Variants in SNTG2 observed in about 807,000 individuals in gnomAD.
SNTG2 encodes syntrophin gamma 2.
A neutral mutation model predicts 70.9 loss-of-function variants in SNTG2; 74 were observed. The observed-to-expected ratio is 1.04, with a 90% CI of 0.86 to 1.27. The LOEUF (loss-of-function observed/expected upper bound fraction) is 1.27, where lower values mean the gene tolerates loss of function less well. SNTG2 is among the 50% of genes most tolerant of loss of function. The pLI is 0.00. For synonymous variants in SNTG2, 278 were observed against 273.8 expected (o/e 1.02, Z -0.15); for missense variants, 717 against 690.7 (o/e 1.04, Z -0.43).
Position 950,971 on chromosome 2 carries a change from G to T in SNTG2, c.-26G>T. On this transcript the variant is annotated 5_prime_UTR_variant, in exon 1 of 17. Coordinates refer to ENST00000308624, the MANE Select transcript of SNTG2 (RefSeq NM_018968.4). Reference sequence around the variant, plus strand: ...TGGCGTTGAGCTCGGCCGGCCCGGAGCGCGGACCCAGCCGCAGGGGCGGCG... The same window carrying T: ...TGGCGTTGAGCTCGGCCGGCCCGGATCGCGGACCCAGCCGCAGGGGCGGCG... The T allele has an allele frequency of 8.3e-7, 1 of 1,208,690 alleles. No individual in the cohort carries two copies. The highest frequency in any genetic ancestry group is 3.8e-5 in the South Asian group (1 of 26,422). The allele number at this position is 1,208,690 out of a possible 1,614,324, so 74.9% of individuals were successfully genotyped here.
At chr2:1,228,196 G>C (rs975028978) in intron 9 of SNTG2, among the ~76,000 whole-genome samples, 5 of 152,256 alleles carry the variant, frequency 3.3e-5, no homozygotes, top group African/African-American at 1.2e-4. Flanking sequence ...CTTTCGAGCT[G>C]GCGGGGGGCC....
At chr2:1,022,486 T>TGAGTCCCTGAGTTCCC (rs570084878) in intron 1 of SNTG2, among the ~76,000 whole-genome samples, 2 of 151,572 alleles carry the variant, frequency 1.3e-5, no homozygotes, top group African/African-American at 4.8e-5. Context: ...TGAGTTCCCG[T>TGAGTCCCTGAGTTCCC]GAGTCCCTGA....
chr2:1,211,427 C>T (rs933227531), intron 9 of SNTG2, among the ~76,000 whole-genome samples: 5 of 152,264 alleles, frequency 3.3e-5, no homozygotes, highest in African/African-American at 1.2e-4. Flanking sequence ...GAATTCAGGT[C>T]ATAAGATGGA....
At position 1,173,082 on chromosome 2, in the gene SNTG2, T is replaced by C; in HGVS notation, c.500-10T>C. On this transcript the variant is annotated splice_polypyrimidine_tract_variant and intron_variant, in intron 7 of 16. Transcript: ENST00000308624. Reference sequence around the variant, plus strand: ...ACCAATTGGAAGGGACTTCTCTTGTTTTGCTGCAGGGTCCCCAGGGCCATC... The same window carrying C: ...ACCAATTGGAAGGGACTTCTCTTGTCTTGCTGCAGGGTCCCCAGGGCCATC... The C allele has an allele frequency of 1.2e-6, 2 of 1,612,996 alleles. No individual in the cohort carries two copies. Among genetic ancestry groups the C allele is most frequent in the South Asian group, 1.1e-5 (1 of 90,952 alleles).
intron 8 of SNTG2, among the ~76,000 whole-genome samples, chr2:1,186,961 G>A (rs1453284565): frequency 1.3e-5 from 2 of 152,128 alleles, no homozygotes; most frequent in African/African-American, 2.4e-5. Flanking sequence ...AGCTGGAGAG[G>A]TTTTGTGAGT....
chr2:1,054,559 A>G (rs955639129), intron 1 of SNTG2, among the ~76,000 whole-genome samples: 3 of 152,132 alleles, frequency 2.0e-5, no homozygotes, highest in Non-Finnish European at 4.4e-5. Flanking sequence ...TAGAGATGTT[A>G]GAGAAGGTCT....
intron 14 of SNTG2, among the ~76,000 whole-genome samples, chr2:1,307,488 G>A (rs545231026): frequency 6.6e-6 from 1 of 151,552 alleles, no homozygotes; most frequent in African/African-American, 2.4e-5. Context: ...GAGAAGGAGG[G>A]AAAGAGAGAG....
chr2:1,063,961 T>G (rs1558356974), intron 1 of SNTG2, among the ~76,000 whole-genome samples: 1 of 152,122 alleles, frequency 6.6e-6, no homozygotes, highest in Non-Finnish European at 1.5e-5. Flanking sequence ...AGCATAAAAT[T>G]AAAACAAAAT....
intron 8 of SNTG2, among the ~76,000 whole-genome samples, chr2:1,177,174 T>G (rs546259627): frequency 6.6e-6 from 1 of 152,304 alleles, no homozygotes; most frequent in South Asian, 2.1e-4. Flanking sequence ...ACTATGTCCT[T>G]TGCAGGGACA....
At chr2:1,067,237 C>T (rs1001066106) in intron 1 of SNTG2, among the ~76,000 whole-genome samples, 12 of 152,108 alleles carry the variant, frequency 7.9e-5, no homozygotes, top group Admixed American at 3.3e-4. Flanking sequence ...TCCAACAATG[C>T]GGAAACTGCT....
intron 8 of SNTG2, among the ~76,000 whole-genome samples, chr2:1,181,427 C>A (rs1326529689): frequency 6.6e-6 from 1 of 152,148 alleles, no homozygotes; most frequent in East Asian, 1.9e-4. Flanking sequence ...TTCAGACTCA[C>A]CAGCTTCACT....
chr2:1,092,040 C>T (rs1188746489), intron 2 of SNTG2, among the ~76,000 whole-genome samples: 1 of 152,154 alleles, frequency 6.6e-6, no homozygotes, highest in African/African-American at 2.4e-5. Flanking sequence ...AGGGAATGTC[C>T]AACTCTGTGG....
At chr2:1,280,808 G>A (rs2148205690) in intron 14 of SNTG2, among the ~76,000 whole-genome samples, 1 of 152,308 alleles carries the variant, frequency 6.6e-6, no homozygotes, top group East Asian at 1.9e-4. Context: ...TTATTCTACT[G>A]CTAGTGCTTT....
chr2:1,095,946 G>A (rs1287826843), intron 2 of SNTG2, among the ~76,000 whole-genome samples: 2 of 152,122 alleles, frequency 1.3e-5, no homozygotes, highest in South Asian at 2.1e-4. Flanking sequence ...GTGGACGGAC[G>A]CCTTTCTCCC....
intron 9 of SNTG2, among the ~76,000 whole-genome samples, chr2:1,224,247 G>T (rs1267116466): frequency 1.3e-5 from 2 of 152,208 alleles, no homozygotes; most frequent in African/African-American, 4.8e-5. Context: ...CTGGGAATTT[G>T]ACCCCAGACT....
chr2:1,086,157 A>G (rs1170241322), intron 2 of SNTG2, among the ~76,000 whole-genome samples: 2 of 152,198 alleles, frequency 1.3e-5, no homozygotes, highest in Non-Finnish European at 2.9e-5. Context: ...AGACAACCAC[A>G]AGCAGCACCA....
intron 12 of SNTG2, among the ~76,000 whole-genome samples, chr2:1,252,254 G>A (rs1304568396): frequency 1.3e-5 from 2 of 152,152 alleles, no homozygotes; most frequent in Non-Finnish European, 2.9e-5. Flanking sequence ...AAAAGGTGCA[G>A]GTTTTTATGA....
chr2:1,170,867 A>ATG (rs1282803512), intron 7 of SNTG2, among the ~76,000 whole-genome samples: 10 of 151,980 alleles, frequency 6.6e-5, no homozygotes, highest in Non-Finnish European at 1.3e-4. Flanking sequence ...GTGGATGCCG[A>ATG]CTACTGGAAT....
At chr2:1,197,505 A>ATATATATG (rs1553353419) in intron 8 of SNTG2, among the ~76,000 whole-genome samples, 9 of 82,270 alleles carry the variant, frequency 1.1e-4, no homozygotes, top group African/African-American at 3.1e-4. Context: ...ATATATGTGT[A>ATATATATG]TGTATATATA....
Sources: gnomAD v4.1 joint callset for allele counts (sites outside exome capture counted in the v4.1 genomes callset) on GRCh38, gnomAD v4.1.1 for gene constraint, MANE v1.5 for transcripts, NCBI Gene and HGNC (gene_info 2026-07-23, HGNC 2026-07-21) for gene names.